Variants in UBXN7 observed in about 807,000 individuals in gnomAD.
UBXN7 encodes the protein UBX domain-containing protein 7.
In UBXN7, 9 loss-of-function variants were observed where a neutral mutation model predicts 58.0. The ratio of observed to expected loss-of-function variants is 0.16; its 90% CI spans 0.09 to 0.27. The LOEUF (loss-of-function observed/expected upper bound fraction) is 0.27, where lower values mean the gene tolerates loss of function less well. Ranked by LOEUF, UBXN7 falls within the 10% of genes least tolerant of loss-of-function variation. The probability of loss-of-function intolerance (pLI) is 1.00; values close to 1 mark genes in which losing one functional copy is unlikely to be tolerated. For synonymous variants in UBXN7, 208 were observed against 205.0 expected (o/e 1.01, Z -0.12); for missense variants, 328 against 599.6 (o/e 0.55, Z 4.73).
Position 196,354,205 on chromosome 3 carries a change from T to C in UBXN7, c.*2480A>G, listed in dbSNP as rs1479223522. ...TTGTATTGTAGACATCCCAGCTGCATGTTAAGCTGAGTGAAAGTACCATGC... is the reference window on the plus strand; with the variant it reads ...TTGTATTGTAGACATCCCAGCTGCACGTTAAGCTGAGTGAAAGTACCATGC... On this transcript the variant is annotated 3_prime_UTR_variant, in exon 11 of 11. Coordinates refer to ENST00000296328, the MANE Select transcript of UBXN7 (RefSeq NM_015562.2). 1.3e-5 allele frequency: 2 copies of C among 152,232 alleles called. No homozygotes were observed. Among genetic ancestry groups the C allele is most frequent in the East Asian group, 1.9e-4 (1 of 5,200 alleles). The allele number at this position is 152,232 out of a possible 1,614,324, so 9.4% of individuals were successfully genotyped here.
intron 1 of UBXN7, among the ~76,000 whole-genome samples, chr3:196,416,605 T>C (rs1044090833): frequency 3.9e-5 from 6 of 152,120 alleles, no homozygotes; most frequent in South Asian, 2.1e-4. Flanking sequence ...AAGTCAATCC[T>C]CAAGCAAGCA....
chr3:196,382,943 G>A (rs1335934858), intron 5 of UBXN7, among the ~76,000 whole-genome samples: 4 of 151,932 alleles, frequency 2.6e-5, no homozygotes, highest in Non-Finnish European at 2.9e-5. Context: ...GTGAAACCCC[G>A]TCTCTACTAA....
Position 196,383,837 on chromosome 3 carries a change from A to C in UBXN7, c.468+7976T>G, listed in dbSNP as rs1729290997. Among the ~76,000 whole-genome samples the C allele has an allele frequency of 2.0e-5, 3 of 152,334 alleles. No homozygotes were observed. The South Asian group carries it at 6.2e-4, about 32-fold the overall frequency. ...AAACTCATAGCACTAAATGCCCACAAGAGAAAGCAGGAAAGATCTAAAATT... is the reference window on the plus strand; with the variant it reads ...AAACTCATAGCACTAAATGCCCACACGAGAAAGCAGGAAAGATCTAAAATT... On this transcript the variant is annotated intron_variant, in intron 5 of 10. Transcript: ENST00000296328.
intron 2 of UBXN7, among the ~76,000 whole-genome samples, chr3:196,406,229 T>G (rs1730157239): frequency 6.6e-6 from 1 of 151,990 alleles, no homozygotes; most frequent in African/African-American, 2.4e-5. Context: ...GACAGGGTTT[T>G]GCTATATTGC....
chr3:196,430,204 A>T (rs1456415427), intron 1 of UBXN7, among the ~76,000 whole-genome samples: 3 of 151,818 alleles, frequency 2.0e-5, no homozygotes, highest in African/African-American at 7.3e-5. Flanking sequence ...AAAATACAAA[A>T]ATTAGCCGGG....
At chr3:196,385,729 G>A (rs1729362665) in intron 5 of UBXN7, among the ~76,000 whole-genome samples, 1 of 150,064 alleles carries the variant, frequency 6.7e-6, no homozygotes, top group Admixed American at 6.6e-5. Flanking sequence ...CCTACGCCCG[G>A]CAGCCGCCCA....
At chr3:196,421,408 G>T (rs773623406) in intron 1 of UBXN7, among the ~76,000 whole-genome samples, 20 of 152,130 alleles carry the variant, frequency 1.3e-4, no homozygotes, top group African/African-American at 4.8e-4. Flanking sequence ...ATTCAGAAAC[G>T]TTTACAGCAA....
intron 5 of UBXN7, among the ~76,000 whole-genome samples, chr3:196,388,235 T>C (rs1039960312): frequency 1.1e-4 from 16 of 147,372 alleles, no homozygotes; most frequent in South Asian, 2.1e-4. Flanking sequence ...CAGGTGGGTA[T>C]TGAACAATGA....
intron 8 of UBXN7, among the ~76,000 whole-genome samples, chr3:196,366,616 G>GGTGT (rs1217327054): frequency 6.6e-6 from 1 of 152,134 alleles, no homozygotes; most frequent in African/African-American, 2.4e-5. Context: ...AATGTTGCTA[G>GGTGT]GTGTGGTGCT....
At chr3:196,374,033 T>C (rs1728918714) in intron 5 of UBXN7, among the ~76,000 whole-genome samples, 1 of 152,224 alleles carries the variant, frequency 6.6e-6, no homozygotes, top group Non-Finnish European at 1.5e-5. Context: ...TTCCATTTAC[T>C]TCCTTATAGG....
At chr3:196,360,809 A>AG (rs1317275131) in intron 10 of UBXN7, among the ~76,000 whole-genome samples, 1 of 152,182 alleles carries the variant, frequency 6.6e-6, no homozygotes, top group Non-Finnish European at 1.5e-5. Context: ...GGATTACTTG[A>AG]GTCCAAGAGT....
chr3:196,432,115 G>A (rs1731083885), intron 1 of UBXN7: 2 of 696,524 alleles, frequency 2.9e-6, no homozygotes, highest in Non-Finnish European at 5.1e-6. Context: ...GCTACTAGGA[G>A]ACAGAGAACG....
intron 1 of UBXN7, among the ~76,000 whole-genome samples, chr3:196,416,523 C>G (rs1342377329): frequency 1.3e-5 from 2 of 152,010 alleles, no homozygotes; most frequent in African/African-American, 4.8e-5. Flanking sequence ...CTTCATCTAC[C>G]AGAACTCCAA....
At chr3:196,412,038 G>C (rs912784536) in intron 1 of UBXN7, among the ~76,000 whole-genome samples, 2 of 151,706 alleles carry the variant, frequency 1.3e-5, no homozygotes. Context: ...AGACCAGCCT[G>C]GCCAACAGGG....
rs1207379180 is a variant in UBXN7, at chr3:196,362,475, C to T, written c.1047G>A (p.Lys349=). The T allele has an allele frequency of 6.2e-7, 1 of 1,614,036 alleles. No homozygotes were observed. The highest frequency in any genetic ancestry group is 8.5e-7 in the Non-Finnish European group (1 of 1,180,046). Residue 349 remains lysine (K), a synonymous_variant, in exon 9 of 11, where the codon AAG becomes AAA. Transcript: ENST00000296328. ...TATGCCCCAAATCTTTGTGGGGAGACTTTCTGGACTTGGCAAGATTCTCTA... is the reference window on the plus strand; with the variant it reads ...TATGCCCCAAATCTTTGTGGGGAGATTTTCTGGACTTGGCAAGATTCTCTA... The part of the protein sequence containing the change: ...EEVENLAKSR[K]SPHKDLGHRK...
chr3:196,348,227 T>C lies in UBXN7; in HGVS notation c.*8458A>G, dbSNP rs567848380. On this transcript the variant is annotated 3_prime_UTR_variant, in exon 11 of 11. Transcript: ENST00000296328. The stretch of plus-strand genomic sequence containing the variant: ...CTTACTAGATATACAGGAGGGTCTC[T>C]AATGTGTCTTGAACAAAAAAATTTA... 5.9e-5 allele frequency: 9 copies of C among 152,110 alleles called. No homozygotes were observed. Among genetic ancestry groups the C allele is most frequent in the African/African-American group, 1.7e-4 (7 of 41,480 alleles). The allele number at this position is 152,110 out of a possible 1,614,324, so 9.4% of individuals were successfully genotyped here.
In UBXN7 at chr3:196,417,287, G is replaced by C. The variant is rs1002858851; in HGVS notation, c.74-9894C>G. Among the ~76,000 whole-genome samples, 4 of 152,154 alleles carry C rather than the reference G, an allele frequency of 2.6e-5. No homozygotes were observed. The South Asian group carries it at 8.3e-4, about 31-fold the overall frequency. On this transcript the variant is annotated intron_variant, in intron 1 of 10. Coordinates refer to ENST00000296328, the MANE Select transcript of UBXN7 (RefSeq NM_015562.2). ...AGATCGCGCGACTGCACTCCAGCCT[G>C]GGAGACAGAGCGAGACTCCATCTCG...
intron 1 of UBXN7, among the ~76,000 whole-genome samples, chr3:196,429,723 CAT>C (rs1480239743): frequency 6.6e-6 from 1 of 152,204 alleles, no homozygotes; most frequent in Non-Finnish European, 1.5e-5. Context: ...AGAAATCAAT[CAT>C]GTGTTTCTAA....
Position 196,355,224 on chromosome 3 carries a change from T to C in UBXN7, c.*1461A>G, listed in dbSNP as rs1170219500. 6.6e-6 allele frequency: 1 copy of C among 152,220 alleles called. No individual in the cohort carries two copies. Among genetic ancestry groups the C allele is most frequent in the Non-Finnish European group, 1.5e-5 (1 of 68,040 alleles). 9.4% of individuals were successfully genotyped at this position (152,220 alleles called of 1,614,324 possible). On this transcript the variant is annotated 3_prime_UTR_variant, in exon 11 of 11. Coordinates refer to ENST00000296328, the MANE Select transcript of UBXN7 (RefSeq NM_015562.2). Reference sequence around the variant, plus strand: ...TCAACTGACAAAAAGGTCCATTTAATATTTTTCATTTTACAAGTTAAAAGT... The same window carrying C: ...TCAACTGACAAAAAGGTCCATTTAACATTTTTCATTTTACAAGTTAAAAGT...
Sources: gnomAD v4.1 joint callset for allele counts (sites outside exome capture counted in the v4.1 genomes callset) on GRCh38, gnomAD v4.1.1 for gene constraint, MANE v1.5 for transcripts, NCBI Gene and HGNC (gene_info 2026-07-23, HGNC 2026-07-21) for gene names.